Variants in A2ML1 observed in about 807,000 individuals in gnomAD.
The protein encoded by A2ML1 is alpha-2-macroglobulin-like protein 1.
In A2ML1, 161 loss-of-function variants were observed where a neutral mutation model predicts 181.9. The observed-to-expected ratio is 0.89, with a 90% confidence interval of 0.78 to 1.01. A2ML1 has a LOEUF of 1.01. Ranked by LOEUF, A2ML1 falls within the 50% of genes least tolerant of loss-of-function variation. The pLI is 0.00. For synonymous variants in A2ML1, 663 were observed against 666.8 expected, an observed-to-expected ratio of 0.99 and a Z score of 0.09; for missense variants, 1,670 against 1,768.1, an observed-to-expected ratio of 0.94 and a Z score of 1.00.
chr12:8,873,498 G>A (rs115540733), intron 33 of A2ML1, among the ~76,000 whole-genome samples: 2,199 of 152,212 alleles, frequency 0.014, 68 homozygotes, highest in African/African-American at 0.049. Context: ...TGATGGAGAC[G>A]TAGCAATGAA....
Position 8,849,661 on chromosome 12 carries a change from C to G in A2ML1, c.2029-8C>G, listed in dbSNP as rs7298954. On this transcript the variant is annotated splice_region_variant and splice_polypyrimidine_tract_variant and intron_variant, in intron 16 of 35. Transcript: ENST00000299698. ...CACCTTAATACTTATTTCTCTGATG[C>G]CTATCAGGACGTGGGCCTGAAAATA... is the stretch of plus-strand genomic sequence containing the variant. 1 of 1,612,092 alleles carries G rather than the reference C, an allele frequency of 6.2e-7. No individual in the cohort carries two copies. Among genetic ancestry groups the G allele is most frequent in the East Asian group, 2.2e-5 (1 of 44,882 alleles).
chr12:8,839,242 T>G lies in A2ML1; in HGVS notation c.1080+20T>G. On this transcript the variant is annotated intron_variant, in intron 10 of 35. Coordinates refer to ENST00000299698, the MANE Select transcript of A2ML1 (RefSeq NM_144670.6). ...GGGAAGGTATGTTAAAACTTTTCTC[T>G]GCATAGACAAAAAAATGCATAACCA... 6.3e-7 allele frequency: 1 copy of G among 1,579,870 alleles called. No individual in the cohort carries two copies. The highest frequency in any genetic ancestry group is 8.7e-7 in the Non-Finnish European group (1 of 1,151,496).
intron 14 of A2ML1, among the ~76,000 whole-genome samples, chr12:8,846,779 C>G (rs1943700632): frequency 6.8e-6 from 1 of 147,864 alleles, no homozygotes; most frequent in Non-Finnish European, 1.5e-5. Flanking sequence ...CCATTACACT[C>G]CAGCCTGAGT....
exon 8 of A2ML1, chr12:8,886,868 G>T (rs1944926099): frequency 6.6e-6 from 1 of 152,212 alleles, no homozygotes; most frequent in African/African-American, 2.4e-5. Flanking sequence ...TGGAAGCCAG[G>T]TGTGGTGGCT....
rs754285301 is a variant in A2ML1 at position 8,874,528 on chromosome 12, G to C, written c.4324+1G>C. On this transcript the variant is annotated splice_donor_variant, in intron 34 of 35. Transcript: ENST00000299698. LOFTEE classifies it high-confidence loss of function. ...AAGGTCTATGACTACTACCTACCAG[G>C]TGAGAGGGCTGAGCTGAAATGAGAT... 1 of 1,609,898 alleles carries C rather than the reference G, an allele frequency of 6.2e-7. No individual in the cohort carries two copies. Among genetic ancestry groups the C allele is most frequent in the Non-Finnish European group, 8.5e-7 (1 of 1,176,370 alleles).
rs886043044 is a variant in A2ML1, at chr12:8,851,965, T to C, written c.2416T>C (p.Phe806Leu). The C allele has an allele frequency of 4.3e-6, 7 of 1,614,058 alleles. No homozygotes were observed. The African/African-American group carries it at 9.3e-5, about 22-fold the overall frequency. Residue 806 changes from phenylalanine (F) to leucine (L), a missense_variant, in exon 19 of 36, where the codon TTT becomes CTT. Phe to Leu is a conservative substitution (Grantham distance 22, BLOSUM62 0). Transcript: ENST00000299698. Reference protein sequence around the residue: ...LPYSVVRGESFRLTATIFNYL... With the variant: ...LPYSVVRGESLRLTATIFNYL... ...TTACTCAGTAGTCCGTGGGGAATCC[T>C]TTCGTCTTACTGCCACCATCTTCAA...
At position 8,876,641 on chromosome 12, in the gene A2ML1, C is replaced by T. The variant is rs753910594; in HGVS notation, c.*585C>T. ...TGAGCTGAGATTGTGCCACTGCACT[C>T]CAGCCTGGGCAATGAGGCAAGACCC... On this transcript the variant is annotated 3_prime_UTR_variant, in exon 36 of 36. Transcript: ENST00000299698. 2.6e-5 allele frequency: 4 copies of T among 151,888 alleles called. No homozygotes were observed. Among genetic ancestry groups the T allele is most frequent in the Non-Finnish European group, 4.4e-5 (3 of 67,946 alleles). The allele number at this position is 151,888 out of a possible 1,614,324, so 9.4% of individuals were successfully genotyped here.
chr12:8,856,005 G>A (rs1336433262), intron 23 of A2ML1, among the ~76,000 whole-genome samples: 3 of 152,194 alleles, frequency 2.0e-5, no homozygotes, highest in African/African-American at 7.2e-5. Flanking sequence ...GGGTTGAAAA[G>A]CATGAACGTA....
In A2ML1 at chr12:8,846,321, T is replaced by C. The variant is rs983459589; in HGVS notation, c.1683+99T>C. 147 of 1,392,404 alleles carry C rather than the reference T, an allele frequency of 1.1e-4. 1 individual carries two copies. The highest frequency in any genetic ancestry group is 7.4e-4 in the South Asian group (60 of 81,406). The allele number at this position is 1,392,404 out of a possible 1,614,324, so 86.3% of individuals were successfully genotyped here. ...AACAAGACAAGTCAGGGAAAGAAGA[T>C]AGTGTTGACGTTGGATGTTGTATTA... On this transcript the variant is annotated intron_variant, in intron 14 of 35. Coordinates refer to ENST00000299698, the MANE Select transcript of A2ML1 (RefSeq NM_144670.6).
At chr12:8,871,988 G>A (rs2136982753) in intron 33 of A2ML1, among the ~76,000 whole-genome samples, 1 of 152,082 alleles carries the variant, frequency 6.6e-6, no homozygotes, top group South Asian at 2.1e-4. Context: ...GACCATCCTG[G>A]CTAACACAGT....
In A2ML1 at chr12:8,823,829, G is replaced by A; in HGVS notation, c.356G>A (p.Gly119Glu). The A allele has an allele frequency of 6.2e-7, 1 of 1,614,096 alleles. No individual in the cohort carries two copies. ...EKKKVLIQRQ[G>E]NGTFVQTDKP... ...AAAAAGGTTCTAATTCAGAGGCAGG[G>A]GAACGGCACCTTTGTACAGACTGAC... The change falls in exon 3 of 36, where the codon GGG becomes GAG. Residue 119 changes from glycine to glutamate, a missense_variant. Coordinates refer to ENST00000299698, the MANE Select transcript of A2ML1 (RefSeq NM_144670.6).
At chr12:8,823,111 C>T (rs1461493772) in intron 1 of A2ML1, 71 bp from the exon 2 acceptor site, 25 of 1,478,414 alleles carry the variant, frequency 1.7e-5, no homozygotes, top group Non-Finnish European at 2.0e-5. Context: ...TTGCTGAGCG[C>T]TTAGGAGAGT....
In A2ML1 at chr12:8,856,898, C is replaced by CTTTTTTTTTTT. The variant is rs71891886; in HGVS notation, c.2849-257_2849-247dup. On this transcript the variant is annotated intron_variant, in intron 23 of 35. Coordinates refer to ENST00000299698, the MANE Select transcript of A2ML1 (RefSeq NM_144670.6). Reference sequence around the variant, plus strand: ...GTCTTCCCAGGACACACAGTAGGTACTTTTTTTTTTTTTTTTTTTGTATTT... The same window carrying CTTTTTTTTTTT: ...GTCTTCCCAGGACACACAGTAGGTACTTTTTTTTTTTTTTTTTTTTTTTTTTTTTTGTATTT... Among the ~76,000 whole-genome samples the CTTTTTTTTTTT allele has an allele frequency of 3.5e-3, 434 of 124,846 alleles. 4 individuals are homozygous for CTTTTTTTTTTT. The highest frequency in any genetic ancestry group is 9.0e-3 in the Middle Eastern group (2 of 222). 81.9% of individuals were successfully genotyped at this position (124,846 alleles called of 152,430 possible).
chr12:8,823,613 C>T (rs1244021626), intron 2 of A2ML1, 107 bp from the exon 3 acceptor site: 4 of 1,271,856 alleles, frequency 3.1e-6, no homozygotes, highest in East Asian at 4.6e-5. Context: ...ATCCTTGCTA[C>T]CCCCATCTAA....
At chr12:8,861,574 G>A (rs181724906) in intron 28 of A2ML1, among the ~76,000 whole-genome samples, 11 of 151,962 alleles carry the variant, frequency 7.2e-5, no homozygotes, top group Admixed American at 3.9e-4. Flanking sequence ...TCCAAGTTCC[G>A]CCTCCCGGGT....
intron 34 of A2ML1, among the ~76,000 whole-genome samples, chr12:8,874,738 G>A (rs555283243): frequency 5.3e-5 from 8 of 152,024 alleles, no homozygotes; most frequent in African/African-American, 9.7e-5. Context: ...TTATGTGATC[G>A]GAGAACAATG....
chr12:8,838,504 C>A, intron 9 of A2ML1, 54 bp downstream of exon 9: 1 of 1,409,868 alleles, frequency 7.1e-7, no homozygotes, highest in Non-Finnish European at 9.9e-7. Flanking sequence ...AAGGGCTGGT[C>A]CCAGGGACAG....
intron 3 of A2ML1, 49 bp downstream of exon 3, chr12:8,823,931 T>C: frequency 1.9e-6 from 3 of 1,566,960 alleles, no homozygotes; most frequent in Non-Finnish European, 2.6e-6. Context: ...GAAACCGCTG[T>C]GCACAGGGGT....
intron 29 of A2ML1, among the ~76,000 whole-genome samples, chr12:8,865,679 G>T (rs1944403042): frequency 6.6e-6 from 1 of 152,196 alleles, no homozygotes. Context: ...CTTTATCTAG[G>T]TTAGGGGTAA....
Sources: allele counts gnomAD v4.1 joint callset (sites outside exome capture counted in the v4.1 genomes callset), GRCh38; gene constraint gnomAD v4.1.1; transcripts MANE v1.5; gene names NCBI Gene and HGNC (gene_info 2026-07-23, HGNC 2026-07-21).